The following MYH11 variants were observed in gnomAD, a reference collection of about 807,000 sequenced individuals.
MYH11 encodes myosin-11.
In MYH11, 80 loss-of-function variants were observed where a neutral mutation model predicts 246.6. The observed-to-expected ratio is 0.32, with a 90% CI of 0.27 to 0.39. The LOEUF is 0.39. Among genes scored for constraint, MYH11 ranks in the 10% least tolerant of loss-of-function variants. The pLI is 1.00. For synonymous variants in MYH11, 1,071 were observed against 1,015.5 expected, an observed-to-expected ratio of 1.05 and a Z score of -1.04; for missense variants, 2,158 against 2,546.8, an observed-to-expected ratio of 0.85 and a Z score of 3.29.
At chr16:15,706,127 G>A (rs903789901) in intron 40 of MYH11, among the ~76,000 whole-genome samples, 4 of 152,004 alleles carry the variant, frequency 2.6e-5, no homozygotes, top group Non-Finnish European at 1.5e-5. Flanking sequence ...GGGACTTCCC[G>A]CAGTGCAGCG....
In MYH11 at chr16:15,842,731, T is replaced by C. The variant is rs544604102; in HGVS notation, c.-17-4462A>G. 2.3e-3 allele frequency among the ~76,000 whole-genome samples: 280 copies of C among 124,004 alleles called. 1 individual carries two copies. The Middle Eastern group carries it at 0.032, about 14-fold the overall frequency. The allele number at this position is 124,004 out of a possible 152,430, so 81.4% of individuals were successfully genotyped here. A position where few individuals can be genotyped will look rare whatever the true frequency, so the allele number is the denominator to read the frequency against. ...GTGAGCTGAGATGGTGCCACTGCAC[T>C]CTGGCCCAGGCAACAGAGCAAGACT... On this transcript the variant is annotated intron_variant, in intron 1 of 40. Coordinates refer to ENST00000300036, the MANE Select transcript of MYH11 (RefSeq NM_002474.3).
Position 15,820,101 on chromosome 16 carries a change from G to A in MYH11, c.502+3154C>T, listed in dbSNP as rs1029128396. The stretch of plus-strand genomic sequence containing the variant: ...TGCACACCTGTAATCCCACCACTTT[G>A]GGAGGCCGAGGTGGGAGGATCACCT... On this transcript the variant is annotated intron_variant, in intron 3 of 40. Transcript: ENST00000300036. 3.3e-5 allele frequency among the ~76,000 whole-genome samples: 5 copies of A among 152,338 alleles called. No individual in the cohort carries two copies. The South Asian group carries it at 1.0e-3, about 32-fold the overall frequency.
chr16:15,709,682 C>T (rs1244926067), intron 40 of MYH11, among the ~76,000 whole-genome samples: 1 of 152,166 alleles, frequency 6.6e-6, no homozygotes, highest in Non-Finnish European at 1.5e-5. Flanking sequence ...CTATAAATCC[C>T]ATGATTGCAT....
Position 15,750,240 on chromosome 16 carries a change from T to G in MYH11, c.1956A>C (p.Thr652=). 6.2e-7 allele frequency: 1 copy of G among 1,614,196 alleles called. No individual in the cohort carries two copies. ...ASKTKKGMFR[T]VGQLYKEQLG... Reference sequence around the variant, plus strand: ...GCTGCTCCTTGTACAGCTGCCCCACTGTGCGGAACATGCCCTTCTTGGTCT... The same window carrying G: ...GCTGCTCCTTGTACAGCTGCCCCACGGTGCGGAACATGCCCTTCTTGGTCT... The change falls in exon 16 of 41, where the codon ACA becomes ACC. Residue 652 remains threonine (T), a synonymous_variant. Coordinates refer to ENST00000300036, the MANE Select transcript of MYH11 (RefSeq NM_002474.3). This position sits in a 1 kb window ranked among gnomAD's most constrained non-coding sequence, Gnocchi z 4.3.
chr16:15,719,374 T>A, intron 35 of MYH11, 66 bp from the exon 36 acceptor site: 1 of 1,558,692 alleles, frequency 6.4e-7, no homozygotes. Flanking sequence ...GAGTCCACCC[T>A]GACAACTCAG....
At chr16:15,778,742 A>C (rs1447919369) in intron 7 of MYH11, 38 bp downstream of exon 7, 1 of 1,599,158 alleles carries the variant, frequency 6.3e-7, no homozygotes, top group Non-Finnish European at 8.6e-7. Context: ...GGTAGGGGGC[A>C]GGGGTACCCA....
intron 9 of MYH11, among the ~76,000 whole-genome samples, chr16:15,769,857 C>T (rs2042060268): frequency 1.3e-5 from 2 of 151,766 alleles, no homozygotes; most frequent in Admixed American, 1.3e-4. Flanking sequence ...GACAGAGTCT[C>T]ACTGTGTTAT....
rs1189713320 is a variant in MYH11 at position 15,750,450 on chromosome 16, A to G, written c.1865-119T>C. ...ACTCCAATCTTTCCTTCCATCACCA[A>G]CGCCTCCTTCGGCAGTCAGGGTTTC... On this transcript the variant is annotated intron_variant, in intron 15 of 40. Transcript: ENST00000300036. This position sits in a 1 kb window ranked among gnomAD's most constrained non-coding sequence, Gnocchi z 4.3. 1.1e-5 allele frequency: 11 copies of G among 986,774 alleles called. No individual in the cohort carries two copies. The highest frequency in any genetic ancestry group is 2.1e-5 in the Admixed American group (1 of 47,758). 61.1% of individuals were successfully genotyped at this position (986,774 alleles called of 1,614,324 possible). A position where few individuals can be genotyped will look rare whatever the true frequency, so the allele number is the denominator to read the frequency against.
At chr16:15,705,604 G>C (rs1456199379) in intron 40 of MYH11, among the ~76,000 whole-genome samples, 5 of 152,162 alleles carry the variant, frequency 3.3e-5, no homozygotes, top group Non-Finnish European at 7.3e-5. Context: ...CATCAAAGAA[G>C]AGAGCAGACT....
chr16:15,810,166 T>G (rs1349024633), intron 3 of MYH11, among the ~76,000 whole-genome samples: 1 of 151,786 alleles, frequency 6.6e-6, no homozygotes, highest in Non-Finnish European at 1.5e-5. Flanking sequence ...CCCGAGTAGC[T>G]GGGATTATAG....
At chr16:15,708,476 G>A (rs1397641808) in intron 40 of MYH11, among the ~76,000 whole-genome samples, 1 of 152,162 alleles carries the variant, frequency 6.6e-6, no homozygotes, top group South Asian at 2.1e-4. Flanking sequence ...GTGGCTTTTG[G>A]CATGAAAGGA....
Position 15,719,245 on chromosome 16 carries a change from C to T in MYH11, c.5146G>A (p.Glu1716Lys). ...CTTCCCGACAGGCTACTGGCCAGCT[C>T]CTCTGCCAGTTCCTCCTTCTCGAGG... ...ADLEKEELAE[E>K]LASSLSGRNA... The change falls in exon 36 of 41, where the codon GAG (glutamate) becomes AAG (lysine). Residue 1716 changes from glutamate to lysine, a missense_variant. Transcript: ENST00000300036. 2 of 1,613,706 alleles carry T rather than the reference C, an allele frequency of 1.2e-6. No homozygotes were observed. Among genetic ancestry groups the T allele is most frequent in the Non-Finnish European group, 1.7e-6 (2 of 1,180,048 alleles).
Position 15,756,390 on chromosome 16 carries a change from T to C in MYH11, c.1700A>G (p.Lys567Arg), listed in dbSNP as rs1596787649. 2 of 1,614,172 alleles carry C rather than the reference T, an allele frequency of 1.2e-6. No homozygotes were observed. The highest frequency in any genetic ancestry group is 1.7e-6 in the Non-Finnish European group (2 of 1,180,032). Residue 567 changes from lysine (K) to arginine (R), a missense_variant, in exon 14 of 41, where the codon AAG becomes AGG. Coordinates refer to ENST00000300036, the MANE Select transcript of MYH11 (RefSeq NM_002474.3). ...QGSHPKFQKP[K>R]QLKDKTEFSI... ...GAACTCAGTCTTGTCCTTGAGCTGCTTGGGCTTCTGGAACTTGGGGTGGCT... is the reference window on the plus strand; with the variant it reads ...GAACTCAGTCTTGTCCTTGAGCTGCCTGGGCTTCTGGAACTTGGGGTGGCT...
intron 9 of MYH11, among the ~76,000 whole-genome samples, chr16:15,764,605 C>A (rs1375930678): frequency 1.3e-5 from 2 of 152,118 alleles, no homozygotes; most frequent in African/African-American, 4.8e-5. Flanking sequence ...CAAAACTAAT[C>A]GATGCTGTTA....
At chr16:15,805,687 G>A (rs1281462701) in intron 3 of MYH11, among the ~76,000 whole-genome samples, 2 of 152,110 alleles carry the variant, frequency 1.3e-5, no homozygotes, top group African/African-American at 2.4e-5. Flanking sequence ...TGAGGCAGGT[G>A]GATTGCTTGA....
At chr16:15,720,388 C>T (rs999698534) in intron 33 of MYH11, 76 bp from the exon 34 acceptor site, 24 of 1,538,458 alleles carry the variant, frequency 1.6e-5, no homozygotes, top group Admixed American at 1.9e-5. Context: ...CAGCACATCA[C>T]TGCACCCCTT....
chr16:15,716,392 G>A (rs1331527783), intron 38 of MYH11, among the ~76,000 whole-genome samples: 1 of 152,214 alleles, frequency 6.6e-6, no homozygotes, highest in Non-Finnish European at 1.5e-5. Context: ...GAGAATGGGT[G>A]AGAATCCTTA....
intron 7 of MYH11, among the ~76,000 whole-genome samples, chr16:15,776,403 A>T (rs2042222278): frequency 6.6e-6 from 1 of 152,206 alleles, no homozygotes; most frequent in Non-Finnish European, 1.5e-5. Flanking sequence ...GAAAAGAAAA[A>T]GCATAAAAAG....
rs753160513 is a variant in MYH11 at position 15,721,036 on chromosome 16, T to TCTCCAGCTCATGGACCTGCCGGCAGA, written c.4579-11_4593dup (p.Lys1532SerfsTer22). ...TGGGTCTCCAGGGCCCGCTTGGACT[T>TCTCCAGCTCATGGACCTGCCGGCAGA]CTCCAGCTCATGGACCTGCCGGCAG... On this transcript the variant is annotated frameshift_variant, in exon 33 of 41. Transcript: ENST00000300036. LOFTEE classifies it high-confidence loss of function. The TCTCCAGCTCATGGACCTGCCGGCAGA allele has an allele frequency of 6.2e-7, 1 of 1,613,940 alleles. No individual in the cohort carries two copies. The highest frequency in any genetic ancestry group is 8.5e-7 in the Non-Finnish European group (1 of 1,179,992).
Sources: gnomAD v4.1 joint callset for allele counts (sites outside exome capture counted in the v4.1 genomes callset) on GRCh38, gnomAD v4.1.1 for gene constraint, Gnocchi (gnomAD v3.1) non-coding constraint, MANE v1.5 for transcripts, NCBI Gene and HGNC (gene_info 2026-07-23, HGNC 2026-07-21) for gene names.